Variants in CCDC102B observed in about 807,000 individuals in gnomAD.
CCDC102B encodes the protein coiled-coil domain-containing protein 102B.
Under a neutral mutation model 57.4 loss-of-function variants are expected in CCDC102B, and 75 were observed. That is an observed-to-expected ratio of 1.31 (90% CI 1.08 to 1.58). The LOEUF is 1.58. Ranked by LOEUF, CCDC102B falls within the 40% of genes most tolerant of loss-of-function variation. The pLI is 0.00. For missense variants in CCDC102B, 636 were observed against 582.6 expected (o/e 1.09, Z -0.94); for synonymous variants, 206 against 201.9 (o/e 1.02, Z -0.17).
At chr18:68,881,119 T>C (rs1173310479) in intron 5 of CCDC102B, among the ~76,000 whole-genome samples, 1 of 152,226 alleles carries the variant, frequency 6.6e-6, no homozygotes, top group African/African-American at 2.4e-5. Flanking sequence ...AATTATTTTA[T>C]TAACCAATGA....
intron 6 of CCDC102B, among the ~76,000 whole-genome samples, chr18:68,920,302 A>G (rs12455976): frequency 0.1 from 15,330 of 152,228 alleles, 850 homozygotes; most frequent in Admixed American, 0.13. Context: ...AAAACAGCAT[A>G]GTACTGATAC....
chr18:68,891,238 A>G (rs924293310), intron 5 of CCDC102B, among the ~76,000 whole-genome samples: 3 of 152,212 alleles, frequency 2.0e-5, no homozygotes, highest in East Asian at 3.9e-4. Flanking sequence ...TGCTCTGAAC[A>G]TCTATCCCAC....
intron 4 of CCDC102B, among the ~76,000 whole-genome samples, chr18:68,855,225 C>A (rs1242009094): frequency 6.6e-6 from 1 of 152,122 alleles, no homozygotes; most frequent in Non-Finnish European, 1.5e-5. Flanking sequence ...GAACCATATG[C>A]TCAATGTTTA....
intron 2 of CCDC102B, among the ~76,000 whole-genome samples, chr18:68,733,487 T>TAC (rs2032980325): frequency 1.2e-5 from 1 of 85,682 alleles, no homozygotes; most frequent in Non-Finnish European, 2.2e-5. Flanking sequence ...TTTATATATA[T>TAC]ATATATATAT....
intron 4 of CCDC102B, among the ~76,000 whole-genome samples, chr18:68,867,709 C>T (rs1474300813): frequency 1.3e-5 from 2 of 151,818 alleles, no homozygotes; most frequent in Non-Finnish European, 2.9e-5. Context: ...CCGAGGCGGG[C>T]GGATCACAAG....
intron 2 of CCDC102B, among the ~76,000 whole-genome samples, chr18:68,763,233 A>G (rs565462866): frequency 6.6e-6 from 1 of 152,144 alleles, no homozygotes; most frequent in East Asian, 1.9e-4. Flanking sequence ...CCTGTTTCTC[A>G]CACAACTGTA....
chr18:68,824,041 C>A (rs1453515633), intron 1 of CCDC102B, among the ~76,000 whole-genome samples: 1 of 151,690 alleles, frequency 6.6e-6, no homozygotes, highest in Non-Finnish European at 1.5e-5. Context: ...TGTGCAAAAG[C>A]TCTTTAATTT....
chr18:69,049,043 T>C (rs1816574719), intron 7 of CCDC102B, among the ~76,000 whole-genome samples: 1 of 141,266 alleles, frequency 7.1e-6, no homozygotes, highest in Non-Finnish European at 1.5e-5. Context: ...ATTTTCTTTC[T>C]TTTTTTTTTT....
intron 2 of CCDC102B, 126 bp downstream of exon 2, chr18:68,837,495 A>T: frequency 2.3e-6 from 2 of 866,526 alleles, no homozygotes; most frequent in Non-Finnish European, 3.6e-6. Context: ...ACAAAGTACC[A>T]TAATCACAGT....
intron 6 of CCDC102B, among the ~76,000 whole-genome samples, chr18:68,966,502 C>T (rs757721907): frequency 3.9e-5 from 6 of 152,112 alleles, no homozygotes; most frequent in South Asian, 2.1e-4. Flanking sequence ...GTGTGGGACT[C>T]TTCCAACTCC....
chr18:68,790,866 T>A (rs1232796214), intron 2 of CCDC102B, among the ~76,000 whole-genome samples: 1 of 152,192 alleles, frequency 6.6e-6, no homozygotes, highest in East Asian at 1.9e-4. Context: ...TTTTGGTAAC[T>A]TTTATTGTGT....
chr18:68,905,568 C>T (rs2040597356), intron 6 of CCDC102B, among the ~76,000 whole-genome samples: 1 of 89,520 alleles, frequency 1.1e-5, no homozygotes, highest in Admixed American at 1.4e-4. Context: ...TTAGTAGATT[C>T]ACAATGTTAT....
chr18:68,973,359 A>T (rs768987220), intron 6 of CCDC102B, among the ~76,000 whole-genome samples: 1 of 152,124 alleles, frequency 6.6e-6, no homozygotes, highest in Non-Finnish European at 1.5e-5. Flanking sequence ...AAAAATAATA[A>T]ATCAATTTTG....
At chr18:69,022,368 C>T (rs1481579284) in intron 7 of CCDC102B, among the ~76,000 whole-genome samples, 1 of 151,352 alleles carries the variant, frequency 6.6e-6, no homozygotes, top group Non-Finnish European at 1.5e-5. Flanking sequence ...TATATATACA[C>T]ACACACAATA....
intron 2 of CCDC102B, among the ~76,000 whole-genome samples, chr18:68,790,196 T>A (rs1255083738): frequency 1.1e-3 from 152 of 135,996 alleles, no homozygotes; most frequent in African/African-American, 2.6e-3. Context: ...TTCTCAGATC[T>A]CCAGCTGTGT....
At chr18:68,811,042 G>A (rs2036244111) in intron 1 of CCDC102B, among the ~76,000 whole-genome samples, 1 of 152,050 alleles carries the variant, frequency 6.6e-6, no homozygotes, top group Non-Finnish European at 1.5e-5. Context: ...CCTTTTTTAT[G>A]GCTGCATAGT....
At chr18:68,765,090 G>A (rs1405384040) in intron 2 of CCDC102B, among the ~76,000 whole-genome samples, 1 of 109,302 alleles carries the variant, frequency 9.1e-6, no homozygotes, top group Non-Finnish European at 1.9e-5. Context: ...GGGGATGGTG[G>A]TGCATGTCTG....
chr18:68,857,531 T>G (rs2038535036), intron 4 of CCDC102B, among the ~76,000 whole-genome samples: 1 of 149,536 alleles, frequency 6.7e-6, no homozygotes, highest in Non-Finnish European at 1.5e-5. Context: ...TCCACTTACC[T>G]TGTATCACTC....
chr18:68,984,461 C>T (rs1287918666), intron 6 of CCDC102B, among the ~76,000 whole-genome samples: 1 of 151,968 alleles, frequency 6.6e-6, no homozygotes, highest in African/African-American at 2.4e-5. Flanking sequence ...GACTTTGAAA[C>T]ATGTGGGAAC....
Sources: gnomAD v4.1 joint callset for allele counts (sites outside exome capture counted in the v4.1 genomes callset) on GRCh38, gnomAD v4.1.1 for gene constraint, MANE v1.5 for transcripts, NCBI Gene and HGNC (gene_info 2026-07-23, HGNC 2026-07-21) for gene names.